The following MORC3 variants were observed in gnomAD, a reference collection of about 807,000 sequenced individuals.
MORC3 encodes the protein MORC family CW-type zinc finger 3, also known as MORC family CW-type zinc finger protein 3.
A neutral mutation model predicts 109.1 loss-of-function variants in MORC3; 31 were observed. The observed-to-expected ratio is 0.28, with a 90% confidence interval of 0.21 to 0.38. MORC3 has a LOEUF of 0.38. Ranked by LOEUF, MORC3 falls within the 10% of genes least tolerant of loss-of-function variation. The pLI is 1.00. For missense variants in MORC3, 867 were observed against 1,135.8 expected (o/e 0.76, Z 3.40); for synonymous variants, 395 against 380.7 (o/e 1.04, Z -0.44).
chr21:36,346,311 G>A (rs2085506859), intron 8 of MORC3, among the ~76,000 whole-genome samples: 2 of 152,194 alleles, frequency 1.3e-5, no homozygotes, highest in Non-Finnish European at 2.9e-5. Flanking sequence ...GAGGCAATGC[G>A]CTCGGCCTAG....
At chr21:36,322,752 T>A (rs1241875177) in intron 1 of MORC3, among the ~76,000 whole-genome samples, 1 of 152,184 alleles carries the variant, frequency 6.6e-6, no homozygotes, top group African/African-American at 2.4e-5. Flanking sequence ...AGTTTTTAAA[T>A]TTTTTGCTTT....
At chr21:36,365,912 A>T (rs955141081) in intron 14 of MORC3, among the ~76,000 whole-genome samples, 1 of 151,962 alleles carries the variant, frequency 6.6e-6, no homozygotes, top group Admixed American at 6.6e-5. Flanking sequence ...TGTATTGGAC[A>T]CTCATTTTGG....
intron 1 of MORC3, among the ~76,000 whole-genome samples, chr21:36,332,301 T>C (rs1373060255): frequency 6.6e-6 from 1 of 152,022 alleles, no homozygotes; most frequent in Non-Finnish European, 1.5e-5. Flanking sequence ...CCATGTGTGG[T>C]GGTGCGCACC....
intron 1 of MORC3, among the ~76,000 whole-genome samples, chr21:36,330,947 GAT>G: frequency 6.6e-6 from 1 of 152,324 alleles, no homozygotes; most frequent in Non-Finnish European, 1.5e-5. Flanking sequence ...TGTATTATGT[GAT>G]GTCTGCCAGA....
chr21:36,349,402 A>G lies in MORC3; in HGVS notation c.1097A>G (p.Glu366Gly). ...AAACAAGATTTCGACTATACTAATG[A>G]GTACAGGTATGTTACCTATTTAAAT... The part of the protein sequence containing the change: ...HNKQDFDYTN[E>G]YRLTITALGE... Residue 366 changes from glutamate (E) to glycine (G), a missense_variant, in exon 9 of 17, where the codon GAG becomes GGG. Physicochemically the swap from Glu to Gly is moderately conservative, Grantham distance 98. Transcript: ENST00000400485. 3.2e-6 allele frequency: 5 copies of G among 1,574,426 alleles called. No individual in the cohort carries two copies. The highest frequency in any genetic ancestry group is 4.3e-6 in the Non-Finnish European group (5 of 1,160,254).
intron 1 of MORC3, among the ~76,000 whole-genome samples, chr21:36,325,940 G>A (rs572663481): frequency 7.3e-4 from 111 of 152,222 alleles, no homozygotes; most frequent in Non-Finnish European, 1.2e-3. Context: ...TAATTTGGGC[G>A]CAGTGGCTCA....
chr21:36,364,015 A>G (rs748514075), intron 13 of MORC3, 78 bp from the exon 14 acceptor site: 27 of 1,430,002 alleles, frequency 1.9e-5, no homozygotes, highest in Non-Finnish European at 2.3e-5. Context: ...AAGGGGGAAG[A>G]GGAAGATTAT....
chr21:36,332,446 T>A (rs899601034), intron 1 of MORC3, among the ~76,000 whole-genome samples: 6 of 151,842 alleles, frequency 4.0e-5, no homozygotes, highest in African/African-American at 1.5e-4. Flanking sequence ...AGAAAAAAAA[T>A]AGGACAGGCT....
chr21:36,350,995 T>G (rs939809500), intron 9 of MORC3, among the ~76,000 whole-genome samples: 1 of 152,054 alleles, frequency 6.6e-6, no homozygotes, highest in Non-Finnish European at 1.5e-5. Context: ...CATTCCAATT[T>G]TACTCTTCTA....
At chr21:36,327,151 A>C (rs1402733317) in intron 1 of MORC3, among the ~76,000 whole-genome samples, 2 of 78,204 alleles carry the variant, frequency 2.6e-5, no homozygotes, top group African/African-American at 1.1e-4. Context: ...AATTGGCTTT[A>C]TTTCTTTTTT....
chr21:36,336,670 AAT>A (rs1040447921), intron 2 of MORC3, among the ~76,000 whole-genome samples: 3 of 152,196 alleles, frequency 2.0e-5, no homozygotes, highest in Non-Finnish European at 4.4e-5. Context: ...ATAGTCGATT[AAT>A]ATATACCAGG....
chr21:36,359,893 A>G (rs756640323), intron 10 of MORC3, 62 bp from the exon 11 acceptor site: 1 of 1,579,168 alleles, frequency 6.3e-7, no homozygotes, highest in South Asian at 1.1e-5. Flanking sequence ...GATGTGGAAC[A>G]TCTGATGAAG....
intron 15 of MORC3, among the ~76,000 whole-genome samples, chr21:36,372,109 G>A (rs549869039): frequency 1.3e-5 from 2 of 152,138 alleles, no homozygotes; most frequent in East Asian, 1.9e-4. Flanking sequence ...CACCATGCCC[G>A]GCTGGTTTTT....
intron 9 of MORC3, among the ~76,000 whole-genome samples, chr21:36,354,329 T>TC (rs1223732294): frequency 1.4e-5 from 2 of 144,924 alleles, no homozygotes; most frequent in Non-Finnish European, 3.0e-5. Flanking sequence ...CTTTCTTTTT[T>TC]TTTTTTTTTT....
intron 15 of MORC3, among the ~76,000 whole-genome samples, chr21:36,372,118 T>A (rs1015526428): frequency 6.6e-6 from 1 of 152,116 alleles, no homozygotes; most frequent in Admixed American, 6.6e-5. Context: ...CGGCTGGTTT[T>A]TCATTTTCTA....
At chr21:36,357,866 G>C (rs1319344698) in intron 10 of MORC3, among the ~76,000 whole-genome samples, 3 of 150,646 alleles carry the variant, frequency 2.0e-5, no homozygotes, top group African/African-American at 4.9e-5. Context: ...TCAGCCTTCC[G>C]AGGAGCTGGG....
intron 3 of MORC3, 148 bp from the exon 4 acceptor site, chr21:36,337,584 G>C: frequency 2.0e-6 from 1 of 501,596 alleles, no homozygotes; most frequent in Non-Finnish European, 3.3e-6. Context: ...AGATTATACA[G>C]CTAGGAAGGG....
intron 15 of MORC3, among the ~76,000 whole-genome samples, chr21:36,370,830 G>A (rs1053683644): frequency 1.3e-5 from 2 of 150,984 alleles, no homozygotes; most frequent in African/African-American, 2.4e-5. Flanking sequence ...CACCATGCCC[G>A]GCTAATTTTT....
At chr21:36,338,176 A>G (rs117996816) in intron 4 of MORC3, among the ~76,000 whole-genome samples, 3,228 of 152,228 alleles carry the variant, frequency 0.021, 59 homozygotes, top group Admixed American at 0.044. Context: ...AACTTCCCAT[A>G]GCTCTTCTGT....
Sources: allele counts gnomAD v4.1 joint callset (sites outside exome capture counted in the v4.1 genomes callset), GRCh38; gene constraint gnomAD v4.1.1; transcripts MANE v1.5; gene names NCBI Gene and HGNC (gene_info 2026-07-23, HGNC 2026-07-21).